RIMS1: variants seen among roughly 807,000 people sequenced by gnomAD.
RIMS1 encodes the protein regulating synaptic membrane exocytosis 1.
In RIMS1, 83 loss-of-function variants were observed where a neutral mutation model predicts 214.1. The ratio of observed to expected loss-of-function variants is 0.39; its 90% CI spans 0.32 to 0.47. The LOEUF is 0.47. RIMS1 is among the 20% of genes least tolerant of loss of function. The probability of loss-of-function intolerance (pLI) is 0.99; values close to 1 mark genes in which losing one functional copy is unlikely to be tolerated. For synonymous variants in RIMS1, 793 were observed against 786.8 expected (o/e 1.01, Z -0.13); for missense variants, 2,050 against 2,161.8 (o/e 0.95, Z 1.03).
intron 4 of RIMS1, among the ~76,000 whole-genome samples, chr6:72,167,001 C>T (rs1189486581): frequency 3.3e-5 from 5 of 151,820 alleles, no homozygotes; most frequent in Non-Finnish European, 7.4e-5. Flanking sequence ...TGCCTTGTTC[C>T]TGATCTTAAG....
intron 3 of RIMS1, among the ~76,000 whole-genome samples, chr6:72,099,422 A>G (rs990896490): frequency 1.3e-5 from 2 of 152,206 alleles, no homozygotes; most frequent in African/African-American, 2.4e-5. Flanking sequence ...GTTTTTTTCT[A>G]TAACAAACGT....
chr6:72,365,265 T>C (rs2097955098), intron 29 of RIMS1, among the ~76,000 whole-genome samples: 1 of 152,254 alleles, frequency 6.6e-6, no homozygotes, highest in Non-Finnish European at 1.5e-5. Context: ...TGGGGTCCTC[T>C]GGCAGGATTT....
At chr6:71,917,526 G>T (rs1410533943) in intron 1 of RIMS1, among the ~76,000 whole-genome samples, 1 of 152,088 alleles carries the variant, frequency 6.6e-6, no homozygotes, top group East Asian at 1.9e-4. Flanking sequence ...CAGGGAGAAA[G>T]GATTAAGCTA....
intron 29 of RIMS1, among the ~76,000 whole-genome samples, chr6:72,384,754 C>A (rs1431300398): frequency 6.6e-6 from 1 of 152,126 alleles, no homozygotes; most frequent in Non-Finnish European, 1.5e-5. Flanking sequence ...CTAGCCTTGA[C>A]CTGTTTCTCA....
In RIMS1 at chr6:72,159,716, T is replaced by C. The variant is rs1354750001; in HGVS notation, c.472-19859T>C. On this transcript the variant is annotated intron_variant, in intron 4 of 33. Coordinates refer to ENST00000521978, the MANE Select transcript of RIMS1 (RefSeq NM_014989.7). ...GATAGTTGTAGATAGGCAGCATTATTTCTGAGGGCTCTGTTCTGTTCCATT... is the reference window on the plus strand; with the variant it reads ...GATAGTTGTAGATAGGCAGCATTATCTCTGAGGGCTCTGTTCTGTTCCATT... Among the ~76,000 whole-genome samples, 4 of 140,190 alleles carry C rather than the reference T, an allele frequency of 2.9e-5. 1 individual carries two copies. The highest frequency in any genetic ancestry group is 6.5e-5 in the Non-Finnish European group (4 of 61,764). The allele number at this position is 140,190 out of a possible 152,430, so 92.0% of individuals were successfully genotyped here.
rs771143304 is a variant in RIMS1 at position 72,250,367 on chromosome 6, T to C, written c.2279T>C (p.Ile760Thr). ...LWYDKVGHQL[I>T]VNVLQATDLP... is the part of the protein sequence containing the mutation. ...TATGATAAAGTGGGACACCAGCTGA[T>C]TGTAAATGTTCTGCAAGCAACAGAT... Residue 760 changes from isoleucine to threonine, a missense_variant, in exon 13 of 34, where the codon ATT (isoleucine) becomes ACT (threonine). By Grantham distance (89) the Ile-to-Thr change is moderately conservative. This residue lies in a region of RIMS1 where 889 missense variants were observed against 885.5 expected (regional missense o/e 1.00). Coordinates refer to ENST00000521978, the MANE Select transcript of RIMS1 (RefSeq NM_014989.7). 36 of 1,610,290 alleles carry C rather than the reference T, an allele frequency of 2.2e-5. No homozygotes were observed. Among genetic ancestry groups the C allele is most frequent in the Non-Finnish European group, 3.0e-5 (35 of 1,178,040 alleles).
chr6:72,128,273 A>G (rs2039916316), intron 4 of RIMS1, among the ~76,000 whole-genome samples: 1 of 152,202 alleles, frequency 6.6e-6, no homozygotes, highest in Non-Finnish European at 1.5e-5. Context: ...CAAAGGACAG[A>G]GAAATTTTGA....
chr6:71,924,969 G>A (rs1781181990), intron 1 of RIMS1, among the ~76,000 whole-genome samples: 1 of 152,120 alleles, frequency 6.6e-6, no homozygotes, highest in African/African-American at 2.4e-5. Context: ...TTCCTCAGTG[G>A]TAGGGACTGT....
rs1174955474 is a variant in RIMS1, at chr6:72,070,202, T to C, written c.246-26747T>C. On this transcript the variant is annotated intron_variant, in intron 2 of 33. Coordinates refer to ENST00000521978, the MANE Select transcript of RIMS1 (RefSeq NM_014989.7). ...GTAAAAATTAGCACATAGACAATTC[T>C]TGGATCATTTAATAAAAGAGGTCAT... Among the ~76,000 whole-genome samples, 4 of 152,202 alleles carry C rather than the reference T, an allele frequency of 2.6e-5. No individual in the cohort carries two copies. The East Asian group carries it at 5.8e-4, about 22-fold the overall frequency.
intron 28 of RIMS1, among the ~76,000 whole-genome samples, chr6:72,325,332 A>G (rs2096403135): frequency 6.6e-6 from 1 of 151,752 alleles, no homozygotes; most frequent in Non-Finnish European, 1.5e-5. Context: ...TTTACAGTTT[A>G]TGTGATTATG....
At chr6:72,017,164 A>G (rs1016363289) in intron 2 of RIMS1, among the ~76,000 whole-genome samples, 7 of 152,162 alleles carry the variant, frequency 4.6e-5, no homozygotes, top group African/African-American at 1.4e-4. Context: ...ACATGCTTCC[A>G]TCTCTTTCTC....
intron 28 of RIMS1, among the ~76,000 whole-genome samples, chr6:72,322,375 A>G (rs867888960): frequency 1.3e-4 from 20 of 152,172 alleles, no homozygotes; most frequent in Non-Finnish European, 2.5e-4. Context: ...TATAATTTAC[A>G]AATAAACTGG....
intron 32 of RIMS1, among the ~76,000 whole-genome samples, chr6:72,398,754 C>G (rs2098807659): frequency 6.6e-6 from 1 of 151,860 alleles, no homozygotes; most frequent in South Asian, 2.1e-4. Flanking sequence ...TACATTGAGT[C>G]AAAATGAGGA....
chr6:71,997,978 G>A (rs1250313645), intron 2 of RIMS1, among the ~76,000 whole-genome samples: 1 of 151,988 alleles, frequency 6.6e-6, no homozygotes, highest in Non-Finnish European at 1.5e-5. Flanking sequence ...TGTCCAGCAT[G>A]AACAAATGCT....
intron 29 of RIMS1, among the ~76,000 whole-genome samples, chr6:72,371,585 A>G (rs542607235): frequency 3.3e-5 from 5 of 152,350 alleles, no homozygotes; most frequent in Admixed American, 3.3e-4. Context: ...TTCTCTCCCA[A>G]GGACACCAGA....
chr6:72,163,403 T>C (rs1457524211), intron 4 of RIMS1, among the ~76,000 whole-genome samples: 5 of 141,506 alleles, frequency 3.5e-5, no homozygotes, highest in African/African-American at 4.9e-5. Flanking sequence ...TCATTCTCCA[T>C]CCAGCTTTGT....
rs1443981330 is a variant in RIMS1, at chr6:72,122,396, C to T, written c.471+22410C>T. On this transcript the variant is annotated intron_variant, in intron 4 of 33. Coordinates refer to ENST00000521978, the MANE Select transcript of RIMS1 (RefSeq NM_014989.7). The stretch of plus-strand genomic sequence containing the variant: ...ATTTTTTTTGTATTTTTAGTAGAGA[C>T]GGGGTTTCACCATGTTAGCCAGGAT... Among the ~76,000 whole-genome samples, 10 of 151,404 alleles carry T rather than the reference C, an allele frequency of 6.6e-5. No homozygotes were observed. The East Asian group carries it at 7.8e-4, about 12-fold the overall frequency.
intron 31 of RIMS1, among the ~76,000 whole-genome samples, chr6:72,393,457 G>C (rs2098733333): frequency 6.6e-6 from 1 of 152,132 alleles, no homozygotes; most frequent in Admixed American, 6.5e-5. Context: ...GGGCGCTGTG[G>C]CTCACGCCTG....
chr6:72,287,589 C>T (rs1438733261), intron 24 of RIMS1, among the ~76,000 whole-genome samples: 1 of 151,230 alleles, frequency 6.6e-6, no homozygotes, highest in African/African-American at 2.4e-5. Context: ...AACTTTTGCT[C>T]TGCAAACTTT....
Sources: allele counts gnomAD v4.1 joint callset (sites outside exome capture counted in the v4.1 genomes callset), GRCh38; gene constraint gnomAD v4.1.1; regional missense constraint gnomAD v4.1.1; transcripts MANE v1.5; gene names NCBI Gene and HGNC (gene_info 2026-07-23, HGNC 2026-07-21).